SLC14A2: variants seen among roughly 807,000 people sequenced by gnomAD.
The protein encoded by SLC14A2 is urea transporter 2.
SLC14A2 carries 91 observed loss-of-function variants against 104.6 expected under a neutral mutation model. That is an observed-to-expected ratio of 0.87 (90% CI 0.73 to 1.04). The LOEUF is 1.04. Ranked by LOEUF, SLC14A2 falls within the 50% of genes least tolerant of loss-of-function variation. The pLI is 0.00. For synonymous variants in SLC14A2, 476 were observed against 466.4 expected (o/e 1.02, Z -0.27); for missense variants, 1,189 against 1,156.0 (o/e 1.03, Z -0.41).
intron 1 of SLC14A2, among the ~76,000 whole-genome samples, chr18:45,283,859 T>C (rs1599641967): frequency 6.6e-6 from 1 of 152,192 alleles, no homozygotes. Flanking sequence ...CTGTGCTTTC[T>C]GGTAGGAAGC....
At chr18:45,318,291 C>T (rs1260065563) in intron 1 of SLC14A2, among the ~76,000 whole-genome samples, 1 of 152,070 alleles carries the variant, frequency 6.6e-6, no homozygotes, top group Non-Finnish European at 1.5e-5. Flanking sequence ...GCAGCCTGCT[C>T]CTTCCCTTCC....
At chr18:45,374,572 C>T (rs2085754642) in intron 1 of SLC14A2, among the ~76,000 whole-genome samples, 1 of 149,394 alleles carries the variant, frequency 6.7e-6, no homozygotes, top group Admixed American at 6.7e-5. Context: ...GATAAGGAGT[C>T]AGAAATCCAG....
intron 1 of SLC14A2, among the ~76,000 whole-genome samples, chr18:45,272,640 A>G (rs1362852127): frequency 6.6e-6 from 1 of 152,048 alleles, no homozygotes; most frequent in African/African-American, 2.4e-5. Context: ...GTAGATGAGG[A>G]TGGTTAATGG....
At chr18:45,566,088 C>T (rs765637079) in intron 2 of SLC14A2, among the ~76,000 whole-genome samples, 1 of 152,150 alleles carries the variant, frequency 6.6e-6, no homozygotes, top group Non-Finnish European at 1.5e-5. Context: ...TGAGTTGTGA[C>T]AGGTAAGGAA....
chr18:45,617,170 A>C (rs1337665834), intron 1 of SLC14A2, among the ~76,000 whole-genome samples: 3 of 152,182 alleles, frequency 2.0e-5, no homozygotes, highest in Non-Finnish European at 4.4e-5. Context: ...CAAGCTAAGG[A>C]GGAGCATCAA....
rs148626737 is a variant in SLC14A2 at position 45,439,745 on chromosome 18, A to T, written c.-124-43488A>T. On this transcript the variant is annotated intron_variant, in intron 1 of 20. Coordinates refer to the SLC14A2 transcript ENST00000586448. Reference sequence around the variant, plus strand: ...GGAATGGCACCACATCCACATCAGCACAGTGTTGGGGGTGAGGGAGACACA... The same window carrying T: ...GGAATGGCACCACATCCACATCAGCTCAGTGTTGGGGGTGAGGGAGACACA... 7.9e-4 allele frequency among the ~76,000 whole-genome samples: 120 copies of T among 152,322 alleles called. 2 individuals are homozygous for T. In the East Asian group the frequency reaches 0.017, roughly 21 times the overall value.
At position 45,524,283 on chromosome 18, in the gene SLC14A2, A is replaced by T. The variant is rs567602140; in HGVS notation, c.-35+40961A>T. Among the ~76,000 whole-genome samples the T allele has an allele frequency of 1.4e-3, 210 of 152,304 alleles. 4 individuals carry two copies. The highest frequency in any genetic ancestry group is 7.3e-3 in the South Asian group (35 of 4,822). ...ATTTTATTCACTTAGTGCCCTCAACACCTCAACAAGTGTCTGGCTACCCAA... is the reference window on the plus strand; with the variant it reads ...ATTTTATTCACTTAGTGCCCTCAACTCCTCAACAAGTGTCTGGCTACCCAA... On this transcript the variant is annotated intron_variant, in intron 2 of 20. Transcript: ENST00000586448.
At chr18:45,507,695 G>C (rs57057186) in intron 2 of SLC14A2, among the ~76,000 whole-genome samples, 2,052 of 152,256 alleles carry the variant, frequency 0.013, 46 homozygotes, top group African/African-American at 0.047. Context: ...TTCTGCTGCC[G>C]TTTGGGGAGC....
At chr18:45,402,430 A>G (rs993765645) in intron 1 of SLC14A2, among the ~76,000 whole-genome samples, 2 of 152,250 alleles carry the variant, frequency 1.3e-5, no homozygotes, top group African/African-American at 4.8e-5. Context: ...TTATTACTCT[A>G]CATCTTTAAT....
chr18:45,194,400 T>C, the SLC14A2 span, among the ~76,000 whole-genome samples: 1 of 152,190 alleles, frequency 6.6e-6, no homozygotes, highest in Non-Finnish European at 1.5e-5. Context: ...TTATCGGAAA[T>C]AGATGTTAGA....
intron 2 of SLC14A2, among the ~76,000 whole-genome samples, chr18:45,532,631 T>C (rs1241253973): frequency 2.0e-5 from 3 of 151,208 alleles, no homozygotes; most frequent in Non-Finnish European, 4.4e-5. Context: ...TATACAATCA[T>C]GTCATCTGCA....
rs2084785094 is a variant in SLC14A2, at chr18:45,283,621, G to C, written c.-125+70430G>C. Among the ~76,000 whole-genome samples the C allele has an allele frequency of 5.3e-5, 8 of 152,202 alleles. No homozygotes were observed. The South Asian group carries it at 1.7e-3, about 31-fold the overall frequency. ...AATGTTATTAAATCAGGTATACATA[G>C]CACTGTTTTTCTCAGACTTCTACAC... On this transcript the variant is annotated intron_variant, in intron 1 of 20. Transcript: ENST00000586448.
intron 2 of SLC14A2, among the ~76,000 whole-genome samples, chr18:45,505,744 T>A (rs1340410218): frequency 6.6e-6 from 1 of 152,204 alleles, no homozygotes; most frequent in Non-Finnish European, 1.5e-5. Context: ...TGGAAGCATC[T>A]GTTGCCTTTT....
intron 2 of SLC14A2, among the ~76,000 whole-genome samples, chr18:45,584,842 T>C (rs563986679): frequency 6.6e-6 from 1 of 152,288 alleles, no homozygotes; most frequent in South Asian, 2.1e-4. Context: ...TTTATGAAAA[T>C]GCTGTGAAAA....
intron 18 of SLC14A2, among the ~76,000 whole-genome samples, chr18:45,675,707 ATATTTT>A (rs796478212): frequency 1.1e-3 from 93 of 83,428 alleles, no homozygotes; most frequent in East Asian, 5.3e-3. Flanking sequence ...ATATATATAT[ATATTTT>A]TTTTTTTTTT....
At position 45,375,666 on chromosome 18, in the gene SLC14A2, T is replaced by C. The variant is rs564667069; in HGVS notation, c.-124-107567T>C. Among the ~76,000 whole-genome samples the C allele has an allele frequency of 3.3e-5, 5 of 152,348 alleles. No individual in the cohort carries two copies. The East Asian group carries it at 9.6e-4, about 29-fold the overall frequency. On this transcript the variant is annotated intron_variant, in intron 1 of 20. Transcript: ENST00000586448. ...TTCCCCTGTTTTAATAAATCAGCTC[T>C]GTCTAAGCAGCCGGCAAGGTGAACC... is the stretch of plus-strand genomic sequence containing the variant.
chr18:45,659,207 G>A (rs1324970160), intron 10 of SLC14A2, among the ~76,000 whole-genome samples: 1 of 152,238 alleles, frequency 6.6e-6, no homozygotes, highest in Non-Finnish European at 1.5e-5. Flanking sequence ...GCCAGGTGCT[G>A]TAGCAGAGTC....
At chr18:45,244,134 C>G (rs899722601) in intron 1 of SLC14A2, among the ~76,000 whole-genome samples, 2 of 152,126 alleles carry the variant, frequency 1.3e-5, no homozygotes, top group Non-Finnish European at 2.9e-5. Context: ...AGTCTCCGAG[C>G]CCCCTGGGCA....
intron 1 of SLC14A2, among the ~76,000 whole-genome samples, chr18:45,388,133 T>C (rs1350459456): frequency 7.5e-6 from 1 of 133,216 alleles, no homozygotes; most frequent in African/African-American, 2.9e-5. Flanking sequence ...TGGAGTGCAG[T>C]GGCGAGATCT....
Sources: gnomAD v4.1 joint callset for allele counts (sites outside exome capture counted in the v4.1 genomes callset) on GRCh38, gnomAD v4.1.1 for gene constraint, MANE v1.5 for transcripts, NCBI Gene and HGNC (gene_info 2026-07-23, HGNC 2026-07-21) for gene names.